The following CAMK2G variants were observed in gnomAD, a reference collection of about 807,000 sequenced individuals.
The protein encoded by CAMK2G is calcium/calmodulin dependent protein kinase II gamma, also known as calcium/calmodulin-dependent protein kinase type II subunit gamma.
CAMK2G carries 23 observed loss-of-function variants against 88.7 expected under a neutral mutation model. That is an observed-to-expected ratio of 0.26 (90% CI 0.19 to 0.37). CAMK2G has a LOEUF of 0.37. Ranked by LOEUF, CAMK2G falls within the 10% of genes least tolerant of loss-of-function variation. The pLI is 1.00. For synonymous variants in CAMK2G, 263 were observed against 294.8 expected (o/e 0.89, Z 1.11); for missense variants, 476 against 780.8 (o/e 0.61, Z 4.65).
chr10:73,850,761 C>T (rs867089634), intron 5 of CAMK2G, among the ~76,000 whole-genome samples: 21 of 152,272 alleles, frequency 1.4e-4, no homozygotes, highest in African/African-American at 4.3e-4. Flanking sequence ...ACCAAGGGGT[C>T]GTACTGGGTC....
chr10:73,823,790 C>T (rs2089982511), intron 17 of CAMK2G, among the ~76,000 whole-genome samples: 1 of 152,194 alleles, frequency 6.6e-6, no homozygotes, highest in Admixed American at 6.5e-5. Flanking sequence ...TTATTATCAT[C>T]CCCAATTTGC....
At chr10:73,863,266 T>G (rs2095457955) in intron 2 of CAMK2G, among the ~76,000 whole-genome samples, 1 of 152,180 alleles carries the variant, frequency 6.6e-6, no homozygotes. Context: ...CCGACCAGGA[T>G]GCAGCCAGGA....
At chr10:73,871,773 A>G (rs1490860519) in intron 2 of CAMK2G, among the ~76,000 whole-genome samples, 3 of 152,214 alleles carry the variant, frequency 2.0e-5, no homozygotes, top group Non-Finnish European at 4.4e-5. Context: ...GATGGGAGTC[A>G]GCAATTAGTG....
In CAMK2G at chr10:73,819,632, G is replaced by A. The variant is rs150129839; in HGVS notation, c.1263C>T (p.Arg421=). Reference sequence around the variant, plus strand: ...CAGGCACCGAGCTGCCATTCCCAGTGCGGAGCGGGGCAGCTAGCCAGCCAG... The same window carrying A: ...CAGGCACCGAGCTGCCATTCCCAGTACGGAGCGGGGCAGCTAGCCAGCCAG... ...EDEDLKAAPL[R]TGNGSSVPEG... The change falls in exon 19 of 23, where the codon CGC becomes CGT. Residue 421 remains arginine, a synonymous_variant. Transcript: ENST00000423381. The A allele has an allele frequency of 4.3e-5, 67 of 1,541,512 alleles. No individual in the cohort carries two copies. The highest frequency in any genetic ancestry group is 5.7e-5 in the Non-Finnish European group (65 of 1,145,514).
chr10:73,851,056 G>C (rs1297653483), intron 5 of CAMK2G, among the ~76,000 whole-genome samples: 3 of 152,084 alleles, frequency 2.0e-5, no homozygotes, highest in African/African-American at 7.2e-5. Flanking sequence ...CCGTCCCAGA[G>C]CCTCGTCCTC....
chr10:73,862,944 G>A (rs2095443879), intron 2 of CAMK2G, among the ~76,000 whole-genome samples: 1 of 152,212 alleles, frequency 6.6e-6, no homozygotes. Flanking sequence ...CCAGATGATG[G>A]AAGAAACGGA....
chr10:73,853,919 C>T (rs983215249), intron 3 of CAMK2G, among the ~76,000 whole-genome samples: 2 of 152,230 alleles, frequency 1.3e-5, no homozygotes, highest in African/African-American at 4.8e-5. Flanking sequence ...TCAGGAGGAA[C>T]AGACAGAGTG....
intron 4 of CAMK2G, chr10:73,852,908 G>A (rs752010631): frequency 1.7e-5 from 8 of 467,524 alleles, no homozygotes; most frequent in Non-Finnish European, 3.0e-5. Context: ...CTTCACTAAG[G>A]ACAGCACACT....
intron 18 of CAMK2G, among the ~76,000 whole-genome samples, chr10:73,820,462 ATT>A (rs1491477595): frequency 3.4e-4 from 23 of 67,934 alleles, no homozygotes; most frequent in African/African-American, 7.7e-4. Context: ...TGGGTTTTAT[ATT>A]TATATATATA....
chr10:73,818,525 C>G (rs953157491), intron 19 of CAMK2G: 11 of 366,424 alleles, frequency 3.0e-5, no homozygotes, highest in African/African-American at 1.9e-4. Context: ...CAAAAGGCTG[C>G]AAGACAACTG....
intron 15 of CAMK2G, among the ~76,000 whole-genome samples, chr10:73,826,544 C>A (rs1192577274): frequency 6.6e-6 from 1 of 152,156 alleles, no homozygotes; most frequent in Non-Finnish European, 1.5e-5. Flanking sequence ...GGGCAGGGAG[C>A]CATATCCATG....
chr10:73,832,005 C>T (rs2092526601), intron 14 of CAMK2G, among the ~76,000 whole-genome samples: 1 of 151,694 alleles, frequency 6.6e-6, no homozygotes, highest in Admixed American at 6.6e-5. Flanking sequence ...CCCACCTCAG[C>T]CTCCCAAGTA....
At chr10:73,861,026 C>CA in intron 2 of CAMK2G, 137 bp from the exon 3 acceptor site, 1 of 678,804 alleles carries the variant, frequency 1.5e-6, no homozygotes, top group Non-Finnish European at 2.7e-6. Flanking sequence ...CAAGTCATGG[C>CA]AATCCTGGAG....
At chr10:73,840,601 G>A (rs1470166806) in intron 12 of CAMK2G, among the ~76,000 whole-genome samples, 1 of 152,182 alleles carries the variant, frequency 6.6e-6, no homozygotes, top group South Asian at 2.1e-4. Flanking sequence ...GGCTCTACAG[G>A]GATGAATAAA....
intron 14 of CAMK2G, among the ~76,000 whole-genome samples, chr10:73,835,075 A>T (rs1467297905): frequency 6.6e-6 from 1 of 151,990 alleles, no homozygotes; most frequent in Non-Finnish European, 1.5e-5. Context: ...AGCAAAATCC[A>T]GCTACTCCCT....
chr10:73,864,835 G>T (rs1001543290), intron 2 of CAMK2G, among the ~76,000 whole-genome samples: 3 of 152,210 alleles, frequency 2.0e-5, no homozygotes, highest in Non-Finnish European at 4.4e-5. Context: ...CAGTAGAGAC[G>T]GGGTTTCACT....
intron 21 of CAMK2G, chr10:73,816,088 T>C: frequency 1.0e-6 from 1 of 985,330 alleles, no homozygotes; most frequent in Non-Finnish European, 1.2e-6. Flanking sequence ...CAGGGCAGGA[T>C]AGGGAAGGCC....
chr10:73,825,965 C>T (rs1199040653), intron 15 of CAMK2G, among the ~76,000 whole-genome samples: 1 of 152,138 alleles, frequency 6.6e-6, no homozygotes, highest in Non-Finnish European at 1.5e-5. Context: ...TTTTGTCTGA[C>T]AAATCTTAGG....
At chr10:73,834,155 T>A (rs2134041278) in intron 14 of CAMK2G, among the ~76,000 whole-genome samples, 1 of 151,948 alleles carries the variant, frequency 6.6e-6, no homozygotes, top group South Asian at 2.1e-4. Flanking sequence ...CCTGACCTCG[T>A]GATCCACCCG....
Sources: gnomAD v4.1 joint callset for allele counts (sites outside exome capture counted in the v4.1 genomes callset) on GRCh38, gnomAD v4.1.1 for gene constraint, MANE v1.5 for transcripts, NCBI Gene and HGNC (gene_info 2026-07-23, HGNC 2026-07-21) for gene names.